Variants in CRYZL1 observed in about 807,000 individuals in gnomAD.
CRYZL1 encodes ferry endosomal RAB5 effector complex subunit 4.
Under a neutral mutation model 50.6 loss-of-function variants are expected in CRYZL1, and 34 were observed. The observed-to-expected ratio is 0.67, with a 90% CI of 0.51 to 0.89. CRYZL1 has a LOEUF of 0.89. Among genes scored for constraint, CRYZL1 ranks in the 40% least tolerant of loss-of-function variants. CRYZL1 has a pLI of 0.00. For synonymous variants in CRYZL1, 125 were observed against 134.3 expected (o/e 0.93, Z 0.48); for missense variants, 354 against 402.3 (o/e 0.88, Z 1.03).
At position 33,618,561 on chromosome 21, in the gene CRYZL1, C is replaced by T. The variant is rs529885014; in HGVS notation, c.218-1811G>A. Among the ~76,000 whole-genome samples, 7 of 152,268 alleles carry T rather than the reference C, an allele frequency of 4.6e-5. No individual in the cohort carries two copies. In the East Asian group the frequency reaches 9.6e-4, roughly 21 times the overall value. ...AGCTGACATGAAGCGGTGAAGTAAG[C>T]TGGAAACCTGAATCTGGAAATGGCC... is the stretch of plus-strand genomic sequence containing the variant. On this transcript the variant is annotated intron_variant, in intron 4 of 12. Coordinates refer to ENST00000381554, the MANE Select transcript of CRYZL1 (RefSeq NM_145858.3).
chr21:33,632,408 C>T (rs966112716), intron 1 of CRYZL1, among the ~76,000 whole-genome samples: 7 of 151,838 alleles, frequency 4.6e-5, no homozygotes, highest in African/African-American at 1.7e-4. Flanking sequence ...GATGGAGTCT[C>T]GCCCTATTGC....
intron 10 of CRYZL1, among the ~76,000 whole-genome samples, chr21:33,596,924 G>A (rs1458569104): frequency 2.7e-5 from 4 of 150,732 alleles, no homozygotes; most frequent in Non-Finnish European, 4.4e-5. Context: ...GTGGAGTGGC[G>A]CAATCTCGGC....
At position 33,597,389 on chromosome 21, in the gene CRYZL1, C is replaced by T. The variant is rs781246025; in HGVS notation, c.689G>A (p.Ser230Asn). ...IVLDAGVRLY[S>N]KDDEPAVKLQ... ...TTTTACAGCTGGTTCATCATCTTTA[C>T]TATATAATCTCACTTGCAAGGGAAT... The change falls in exon 10 of 13, where the codon AGT becomes AAT. Residue 230 changes from serine (S) to asparagine (N), a missense_variant. Coordinates refer to ENST00000381554, the MANE Select transcript of CRYZL1 (RefSeq NM_145858.3). 9 of 1,579,820 alleles carry T rather than the reference C, an allele frequency of 5.7e-6. No homozygotes were observed. In the East Asian group the frequency reaches 2.0e-4, roughly 35 times the overall value.
At chr21:33,595,691 A>T in intron 11 of CRYZL1, 40 bp downstream of exon 11, 1 of 1,611,004 alleles carries the variant, frequency 6.2e-7, no homozygotes, top group Non-Finnish European at 8.5e-7. Flanking sequence ...TACAGTACAA[A>T]GTTCAAGCCA....
intron 1 of CRYZL1, among the ~76,000 whole-genome samples, chr21:33,637,760 C>CATATATATATATATATATATATAT (rs10536195): frequency 7.6e-6 from 1 of 131,736 alleles, no homozygotes; most frequent in African/African-American, 2.9e-5. Flanking sequence ...AAGAGAAAAA[C>CATATATATATATATATATATATAT]ATATATATAT....
intron 6 of CRYZL1, among the ~76,000 whole-genome samples, chr21:33,605,527 A>ATTTTTTTTTTTTTTTTTTTTT (rs1555904645): frequency 0.02 from 295 of 14,608 alleles, 17 homozygotes; most frequent in African/African-American, 0.033. Context: ...CAGTACAAGA[A>ATTTTTTTTTTTTTTTTTTTTT]TTCTTTTTTT....
rs191821114 is a variant in CRYZL1, at chr21:33,591,947, C to A, written c.905-740G>T. Among the ~76,000 whole-genome samples, 5 of 150,426 alleles carry A rather than the reference C, an allele frequency of 3.3e-5. No homozygotes were observed. The Admixed American group carries it at 3.3e-4, about 10-fold the overall frequency. ...CTCCAGCCAGGGCAACAGAGCAATA[C>A]CCTGTCTCAAAAGAAAAAAAAAAAG... On this transcript the variant is annotated intron_variant, in intron 11 of 12. Coordinates refer to ENST00000381554, the MANE Select transcript of CRYZL1 (RefSeq NM_145858.3).
chr21:33,593,172 C>T (rs1349522207), intron 11 of CRYZL1, among the ~76,000 whole-genome samples: 2 of 151,932 alleles, frequency 1.3e-5, no homozygotes, highest in African/African-American at 2.4e-5. Flanking sequence ...AGTGGCACGA[C>T]CTCGGCTCAC....
chr21:33,633,055 TGTA>T (rs546429134), intron 1 of CRYZL1, among the ~76,000 whole-genome samples: 212 of 152,346 alleles, frequency 1.4e-3, no homozygotes, highest in African/African-American at 4.9e-3. Context: ...TGTTGTTACT[TGTA>T]GTTGTATTCC....
chr21:33,591,099 C>G, intron 12 of CRYZL1, 63 bp downstream of exon 12: 1 of 1,229,468 alleles, frequency 8.1e-7, no homozygotes, highest in Middle Eastern at 1.9e-4. Flanking sequence ...GTGGGACTGC[C>G]TGCCTTAGCT....
intron 6 of CRYZL1, among the ~76,000 whole-genome samples, chr21:33,610,334 T>C (rs988889665): frequency 1.3e-5 from 2 of 151,994 alleles, no homozygotes; most frequent in Admixed American, 1.3e-4. Flanking sequence ...TAATTTTTTA[T>C]ATTTTTAGTA....
intron 12 of CRYZL1, 51 bp from the exon 13 acceptor site, chr21:33,589,972 A>G: frequency 9.4e-7 from 1 of 1,060,410 alleles, no homozygotes; most frequent in Non-Finnish European, 1.4e-6. Flanking sequence ...GATAAGTAGA[A>G]CAAACAGGGT....
chr21:33,608,031 T>C (rs1444749077), intron 6 of CRYZL1, among the ~76,000 whole-genome samples: 2 of 152,202 alleles, frequency 1.3e-5, no homozygotes, highest in Admixed American at 6.5e-5. Flanking sequence ...CAAGTTAACA[T>C]AGCCATCATC....
At chr21:33,598,849 C>G (rs1134132) in intron 9 of CRYZL1, among the ~76,000 whole-genome samples, 105,132 of 148,508 alleles carry the variant, frequency 0.71, 37,158 homozygotes, top group African/African-American at 0.77. Flanking sequence ...ATTAGTGTTA[C>G]TGTATTTTAT....
At chr21:33,591,100 T>G in intron 12 of CRYZL1, 62 bp downstream of exon 12, 1 of 1,250,208 alleles carries the variant, frequency 8.0e-7, no homozygotes, top group Middle Eastern at 1.9e-4. Context: ...TGGGACTGCC[T>G]GCCTTAGCTC....
chr21:33,595,167 A>C, intron 11 of CRYZL1: 1 of 1,076,418 alleles, frequency 9.3e-7, no homozygotes, highest in South Asian at 2.6e-5. Flanking sequence ...ACTCAACTGG[A>C]ATGATTTGGC....
intron 6 of CRYZL1, 31 bp downstream of exon 6, chr21:33,613,507 G>A (rs749708575): frequency 1.4e-6 from 2 of 1,438,466 alleles, no homozygotes; most frequent in Admixed American, 3.5e-5. Flanking sequence ...TAAGACTTAT[G>A]TGAGCTCCAA....
chr21:33,638,107 T>C (rs976279817), intron 1 of CRYZL1, among the ~76,000 whole-genome samples: 1 of 151,972 alleles, frequency 6.6e-6, no homozygotes. Context: ...AAATATTTGA[T>C]TAAAAAGAAT....
rs569373476 is a variant in CRYZL1 at position 33,592,861 on chromosome 21, G to A, written c.905-1654C>T. Among the ~76,000 whole-genome samples, 41 of 152,164 alleles carry A rather than the reference G, an allele frequency of 2.7e-4. No homozygotes were observed. The East Asian group carries it at 4.5e-3, about 17-fold the overall frequency. On this transcript the variant is annotated intron_variant, in intron 11 of 12. Transcript: ENST00000381554. ...GAGGTCAAGAGTTCGAGACCAGCCTGACCAATATGGTGAAATCCTGCCTCT... is the reference window on the plus strand; with the variant it reads ...GAGGTCAAGAGTTCGAGACCAGCCTAACCAATATGGTGAAATCCTGCCTCT...
Sources: allele counts gnomAD v4.1 joint callset (sites outside exome capture counted in the v4.1 genomes callset), GRCh38; gene constraint gnomAD v4.1.1; transcripts MANE v1.5; gene names NCBI Gene and HGNC (gene_info 2026-07-23, HGNC 2026-07-21).